The following CAPN10 variants were observed in gnomAD, a reference collection of about 807,000 sequenced individuals.
CAPN10 encodes the protein calpain 10.
A neutral mutation model predicts 78.4 loss-of-function variants in CAPN10; 71 were observed. The observed-to-expected ratio is 0.91, with a 90% CI of 0.75 to 1.10. The LOEUF (loss-of-function observed/expected upper bound fraction) is 1.10, where lower values mean the gene tolerates loss of function less well. Ranked by LOEUF, CAPN10 falls within the 50% of genes least tolerant of loss-of-function variation. The pLI, the probability that CAPN10 is intolerant of heterozygous loss-of-function variation, is 0.00. For synonymous variants in CAPN10, 437 were observed against 407.2 expected, an observed-to-expected ratio of 1.07 and a Z score of -0.88; for missense variants, 849 against 924.6, an observed-to-expected ratio of 0.92 and a Z score of 1.06.
chr2:240,590,102 T>G (rs1288248398), intron 2 of CAPN10: 1 of 152,372 alleles, frequency 6.6e-6, no homozygotes, highest in Non-Finnish European at 1.5e-5. Context: ...AGACACATGG[T>G]CTTACCAGCT....
At chr2:240,596,008 A>C (rs1470321900) in intron 7 of CAPN10, 1 of 1,445,166 alleles carries the variant, frequency 6.9e-7, no homozygotes, top group Non-Finnish European at 9.3e-7. Flanking sequence ...TTCCTCTTGC[A>C]AAAGAAGTTG....
chr2:240,597,796 C>T (rs932822174), intron 9 of CAPN10, 92 bp from the exon 10 acceptor site: 23 of 1,154,570 alleles, frequency 2.0e-5, no homozygotes, highest in Non-Finnish European at 2.6e-5. Flanking sequence ...GTATGTGACT[C>T]AAGAGGGCCA....
At chr2:240,592,279 T>G (rs1235045038) in intron 4 of CAPN10, 129 bp downstream of exon 4, 2 of 835,906 alleles carry the variant, frequency 2.4e-6, no homozygotes, top group East Asian at 2.7e-5. Context: ...AGAAGTAAGC[T>G]TGTTCTCAAG....
intron 4 of CAPN10, chr2:240,592,448 T>G: frequency 1.5e-6 from 1 of 662,774 alleles, no homozygotes; most frequent in Non-Finnish European, 2.9e-6. Context: ...GCTGGCAACC[T>G]GGCAAAATCA....
rs765667275 is a variant in CAPN10, at chr2:240,596,790, G to T, written c.1591G>T (p.Gly531Cys). The change falls in exon 9 of 12, where the codon GGC (glycine) becomes TGC (cysteine). Residue 531 changes from glycine (G) to cysteine (C), a missense_variant. Transcript: ENST00000391984. ...TTGGAGAGTCGGCCAGACGGCGGGG[G>T]GCAGCAGGAACTTTGCCTCATACCC... ...GSWRVGQTAG[G>C]SRNFASYPTN... The T allele has an allele frequency of 2.5e-6, 4 of 1,612,802 alleles. No individual in the cohort carries two copies. In the African/African-American group the frequency reaches 5.3e-5, roughly 22 times the overall value.
chr2:240,586,811 A>C lies in CAPN10; in HGVS notation c.-101A>C. ...CTTGGAGGGCTGGGCCGGGCGGGGA[A>C]CGGGCGGGGCGGGCCGGAGGCGGCG... On this transcript the variant is annotated 5_prime_UTR_variant, in exon 1 of 12. Coordinates refer to ENST00000391984, the MANE Select transcript of CAPN10 (RefSeq NM_023083.4). 9 of 1,170,138 alleles carry C rather than the reference A, an allele frequency of 7.7e-6. No individual in the cohort carries two copies. The highest frequency in any genetic ancestry group is 9.8e-6 in the Non-Finnish European group (9 of 913,790). 72.5% of individuals were successfully genotyped at this position (1,170,138 alleles called of 1,614,324 possible).
At chr2:240,589,532 G>T (rs969450839) in intron 2 of CAPN10, 58 bp downstream of exon 2, 2 of 1,554,566 alleles carry the variant, frequency 1.3e-6, no homozygotes, top group Non-Finnish European at 1.7e-6. Context: ...CGTTTCTCCA[G>T]CCTGCTGAGT....
intron 4 of CAPN10, chr2:240,592,685 A>G (rs2125460767): frequency 2.8e-6 from 1 of 357,360 alleles, no homozygotes; most frequent in South Asian, 2.2e-5. Context: ...ATGGAACCAC[A>G]TGTGACTTTT....
rs1003550732 is a variant in CAPN10 at position 240,599,075 on chromosome 2, A to G, written c.*395A>G. Reference sequence around the variant, plus strand: ...CGAATCACTTTTAGGATGTAACTTTATAAATAAACATGAGCGCTGATGATT... The same window carrying G: ...CGAATCACTTTTAGGATGTAACTTTGTAAATAAACATGAGCGCTGATGATT... On this transcript the variant is annotated 3_prime_UTR_variant, in exon 12 of 12. Transcript: ENST00000391984. 2 of 245,360 alleles carry G rather than the reference A, an allele frequency of 8.2e-6. 1 individual carries two copies. Among genetic ancestry groups the G allele is most frequent in the Non-Finnish European group, 1.6e-5 (2 of 125,708 alleles). 15.2% of individuals were successfully genotyped at this position (245,360 alleles called of 1,614,324 possible). A position where few individuals can be genotyped will look rare whatever the true frequency, so the allele number is the denominator to read the frequency against.
Position 240,596,681 on chromosome 2 carries a change from C to A in CAPN10, c.1482C>A (p.Ser494Arg). 1 of 1,538,768 alleles carries A rather than the reference C, an allele frequency of 6.5e-7. No individual in the cohort carries two copies. The highest frequency in any genetic ancestry group is 8.8e-7 in the Non-Finnish European group (1 of 1,142,722). ...RVFSTGRVSL[S>R]AIRAVAKNTT... The stretch of plus-strand genomic sequence containing the variant: ...CCTCCCATGTTTGTCTTCTTGGCAG[C>A]GCCATCAGGGCAGTGGCCAAGAACA... The change falls in exon 9 of 12, where the codon AGC (serine) becomes AGA (arginine). Residue 494 changes from serine to arginine, a missense_variant and splice_region_variant. Ser to Arg is a moderately radical substitution (Grantham distance 110). Coordinates refer to ENST00000391984, the MANE Select transcript of CAPN10 (RefSeq NM_023083.4).
rs754833227 is a variant in CAPN10, at chr2:240,590,838, C to T, written c.297C>T (p.Ser99=). 3.7e-6 allele frequency: 6 copies of T among 1,614,070 alleles called. No homozygotes were observed. The highest frequency in any genetic ancestry group is 5.1e-6 in the Non-Finnish European group (6 of 1,180,018). Residue 99 remains serine, a synonymous_variant, in exon 3 of 12, where the codon AGC becomes AGT. Coordinates refer to ENST00000391984, the MANE Select transcript of CAPN10 (RefSeq NM_023083.4). ...LDQVIPPGQP[S]WADQEYRGSF... ...AGGTCATTCCTCCGGGACAGCCGAGCTGGGCCGACCAGGAGTACCGGGGCT... is the reference window on the plus strand; with the variant it reads ...AGGTCATTCCTCCGGGACAGCCGAGTTGGGCCGACCAGGAGTACCGGGGCT...
In CAPN10 at chr2:240,598,382, C is replaced by A. The variant is rs2093151136; in HGVS notation, c.1974C>A (p.Gly658=). ...RPSIHSQEML[G]QFLQEVSIMA... ...CCATTCACAGCCAGGAGATGCTGGG[C>A]CAGTTCCTCCAAGAGGTGTGTATGC... Residue 658 remains glycine (G), a synonymous_variant, in exon 11 of 12, where the codon GGC becomes GGA. Coordinates refer to ENST00000391984, the MANE Select transcript of CAPN10 (RefSeq NM_023083.4). 2.5e-6 allele frequency: 4 copies of A among 1,613,830 alleles called. No homozygotes were observed. The highest frequency in any genetic ancestry group is 1.6e-4 in the Middle Eastern group (1 of 6,062).
At chr2:240,595,896 G>A (rs1184017326) in intron 7 of CAPN10, 45 of 1,297,846 alleles carry the variant, frequency 3.5e-5, no homozygotes, top group East Asian at 1.6e-4. Flanking sequence ...CCGGCTGCTC[G>A]CTCAGGGGCT....
chr2:240,595,751 A>T (rs530911820), intron 7 of CAPN10, among the ~76,000 whole-genome samples: 1 of 152,338 alleles, frequency 6.6e-6, no homozygotes, highest in South Asian at 2.1e-4. Flanking sequence ...CGGGGTCCTG[A>T]CACGGATCTC....
rs2093147599 is a variant in CAPN10 at position 240,597,927 on chromosome 2, C to T, written c.1783C>T (p.Leu595=). The part of the protein sequence containing the change: ...GGRSQDAPPL[L]LQEPLLSCVP... ...AAGGAGCCAGGACGCACCCCCACTG[C>T]TGCTGCAGGAGCCGCTGCTGAGCTG... The change falls in exon 10 of 12, where the codon CTG becomes TTG. Residue 595 remains leucine (L), a synonymous_variant. Coordinates refer to ENST00000391984, the MANE Select transcript of CAPN10 (RefSeq NM_023083.4). 6.2e-7 allele frequency: 1 copy of T among 1,611,816 alleles called. No homozygotes were observed. Among genetic ancestry groups the T allele is most frequent in the South Asian group, 1.1e-5 (1 of 90,946 alleles).
intron 7 of CAPN10, chr2:240,596,049 G>A (rs2093134371): frequency 6.6e-7 from 1 of 1,514,264 alleles, no homozygotes. Context: ...CAGCCCCCAG[G>A]TTGCCTGGGC....
At position 240,597,036 on chromosome 2, in the gene CAPN10, C is replaced by T. The variant is rs1339270450; in HGVS notation, c.1743+94C>T. ...CATTGTCCCAACAGAGGGCTCTGGG[C>T]TCAGTCACTTGGGCTCCCCCTGCCC... On this transcript the variant is annotated intron_variant, in intron 9 of 11. Transcript: ENST00000391984. 2.7e-6 allele frequency: 4 copies of T among 1,497,960 alleles called. No homozygotes were observed. In the African/African-American group the frequency reaches 5.5e-5, roughly 21 times the overall value. The allele number at this position is 1,497,960 out of a possible 1,614,324, so 92.8% of individuals were successfully genotyped here. A position where few individuals can be genotyped will look rare whatever the true frequency, so the allele number is the denominator to read the frequency against.
intron 9 of CAPN10, among the ~76,000 whole-genome samples, chr2:240,597,245 G>A (rs1249341404): frequency 6.6e-6 from 1 of 152,208 alleles, no homozygotes; most frequent in Non-Finnish European, 1.5e-5. Flanking sequence ...GAGGACAGGA[G>A]GCCGAGGTTG....
chr2:240,590,985 C>T lies in CAPN10; in HGVS notation c.444C>T (p.Leu148=), dbSNP rs769197972. The T allele has an allele frequency of 8.7e-6, 14 of 1,614,150 alleles. No homozygotes were observed. Among genetic ancestry groups the T allele is most frequent in the Non-Finnish European group, 1.0e-5 (12 of 1,180,026 alleles). ...SRCQREDVFW[L]PLLEKVYAKV... is the part of the protein sequence containing the mutation. ...GCCAGAGGGAGGATGTGTTCTGGCT[C>T]CCCTTACTGGAAAAGGTCTACGCCA... Residue 148 remains leucine, a synonymous_variant, in exon 3 of 12, where the codon CTC becomes CTT. Transcript: ENST00000391984.
Sources: gnomAD v4.1 joint callset for allele counts (sites outside exome capture counted in the v4.1 genomes callset) on GRCh38, gnomAD v4.1.1 for gene constraint, MANE v1.5 for transcripts, NCBI Gene and HGNC (gene_info 2026-07-23, HGNC 2026-07-21) for gene names.